TAB2: variants seen among roughly 807,000 people sequenced by gnomAD.
The protein encoded by TAB2 is TGF-beta-activated kinase 1 and MAP3K7-binding protein 2.
TAB2 carries 3 observed loss-of-function variants against 65.0 expected under a neutral mutation model. That is an observed-to-expected ratio of 0.05 (90% CI 0.02 to 0.12). The LOEUF (loss-of-function observed/expected upper bound fraction) is 0.12, where lower values mean the gene tolerates loss of function less well. Among genes scored for constraint, TAB2 ranks in the 10% least tolerant of loss-of-function variants. The pLI, the probability that TAB2 is intolerant of heterozygous loss-of-function variation, is 1.00. For synonymous variants in TAB2, 298 were observed against 285.1 expected, an observed-to-expected ratio of 1.05 and a Z score of -0.46; for missense variants, 623 against 840.3, an observed-to-expected ratio of 0.74 and a Z score of 3.20.
Position 149,400,542 on chromosome 6 carries a change from C to T in TAB2, c.1939+1358C>T, listed in dbSNP as rs569573383. On this transcript the variant is annotated intron_variant, in intron 6 of 6. Coordinates refer to ENST00000637181, the MANE Select transcript of TAB2 (RefSeq NM_001292034.3). ...ACTAATGAAAGCCTATTGTGAACCA[C>T]GGGGATTGTCAGTGAAGCAGATCAG... is the stretch of plus-strand genomic sequence containing the variant. 1.7e-5 allele frequency: 27 copies of T among 1,614,170 alleles called. No homozygotes were observed. The South Asian group carries it at 2.0e-4, about 12-fold the overall frequency.
chr6:149,341,378 C>A (rs967243602), intron 1 of TAB2, among the ~76,000 whole-genome samples: 1 of 152,084 alleles, frequency 6.6e-6, no homozygotes, highest in East Asian at 1.9e-4. Flanking sequence ...CTAGTTGTTG[C>A]TTTAGCATTT....
chr6:149,386,227 T>TAAA (rs1271243764), intron 3 of TAB2, among the ~76,000 whole-genome samples: 1 of 152,258 alleles, frequency 6.6e-6, no homozygotes, highest in Non-Finnish European at 1.5e-5. Flanking sequence ...CTTTCTTAAA[T>TAAA]ATATTAAGTT....
At position 149,330,946 on chromosome 6, in the gene TAB2, A is replaced by G. The variant is rs575956832; in HGVS notation, c.-90+12931A>G. 4.6e-5 allele frequency among the ~76,000 whole-genome samples: 7 copies of G among 152,216 alleles called. No individual in the cohort carries two copies. The South Asian group carries it at 1.5e-3, about 32-fold the overall frequency. On this transcript the variant is annotated intron_variant, in intron 1 of 6. Transcript: ENST00000637181. ...CAGATAGCCGTAATTGTGAGGATCT[A>G]TTTCTGGATTCTCTGTTCTGTTCCA...
intron 1 of TAB2, chr6:149,304,410 T>G (rs1779022438): frequency 6.5e-6 from 1 of 153,342 alleles, no homozygotes; most frequent in Non-Finnish European, 1.5e-5. Flanking sequence ...GCCAGTTTCC[T>G]GCTGGCTCTC....
At chr6:149,249,624 G>A (rs1335945041) in intron 1 of TAB2, among the ~76,000 whole-genome samples, 4 of 151,474 alleles carry the variant, frequency 2.6e-5, no homozygotes, top group African/African-American at 9.7e-5. Context: ...GTCTCTGTCT[G>A]TGTGTGTCTC....
In TAB2 at chr6:149,317,832, G is replaced by GGGGGGGGCT. The variant is rs1779300738; in HGVS notation, c.-272_-271insGGGGGGCTG. On this transcript the variant is annotated 5_prime_UTR_variant, in exon 1 of 7. Coordinates refer to ENST00000637181, the MANE Select transcript of TAB2 (RefSeq NM_001292034.3). This position sits in a 1 kb window ranked among gnomAD's most constrained non-coding sequence, Gnocchi z 4.7. Reference sequence around the variant, plus strand: ...AGGGAGTTGGCGGCGGCGGGCGAGCGGAGGGGGCTGAGCGGGGAGGGAGGG... The same window carrying GGGGGGGGCT: ...AGGGAGTTGGCGGCGGCGGGCGAGCGGGGGGGGCTGAGGGGGCTGAGCGGGGAGGGAGGG... 6.2e-6 allele frequency: 1 copy of GGGGGGGGCT among 161,144 alleles called. No homozygotes were observed. Among genetic ancestry groups the GGGGGGGGCT allele is most frequent in the African/African-American group, 2.5e-5 (1 of 39,778 alleles). The allele number at this position is 161,144 out of a possible 1,614,324, so 10.0% of individuals were successfully genotyped here. A position where few individuals can be genotyped will look rare whatever the true frequency, so the allele number is the denominator to read the frequency against.
In TAB2 at chr6:149,224,336, G is replaced by C. The variant is rs535082370; in HGVS notation, c.-121+5560G>C. Among the ~76,000 whole-genome samples the C allele has an allele frequency of 3.6e-4, 55 of 152,296 alleles. 2 individuals carry two copies. Among genetic ancestry groups the C allele is most frequent in the Admixed American group, 2.7e-3 (42 of 15,286 alleles). On this transcript the variant is annotated intron_variant, in intron 1 of 1. Coordinates refer to the TAB2 transcript ENST00000606202. Reference sequence around the variant, plus strand: ...ATAGCCAAAGCCTCCCTTTTTAGAAGAGGAGGAACTTTTTAGCAAAAATTC... The same window carrying C: ...ATAGCCAAAGCCTCCCTTTTTAGAACAGGAGGAACTTTTTAGCAAAAATTC...
chr6:149,400,562 G>T, intron 6 of TAB2: 1 of 1,614,248 alleles, frequency 6.2e-7, no homozygotes, highest in Non-Finnish European at 8.5e-7. Context: ...CAGTGAAGCA[G>T]ATCAGATTCC....
intron 6 of TAB2, among the ~76,000 whole-genome samples, chr6:149,399,480 G>A (rs764520159): frequency 6.6e-6 from 1 of 151,666 alleles, no homozygotes; most frequent in Non-Finnish European, 1.5e-5. Context: ...ACAAAAATTT[G>A]TATCATTTAA....
chr6:149,312,862 A>C (rs1779189051), upstream of TAB2, among the ~76,000 whole-genome samples: 1 of 152,210 alleles, frequency 6.6e-6, no homozygotes, highest in Non-Finnish European at 1.5e-5. Flanking sequence ...TTTTATGGTG[A>C]GAACACTTAA....
chr6:149,382,556 A>G (rs918938776), intron 3 of TAB2, among the ~76,000 whole-genome samples: 4 of 151,930 alleles, frequency 2.6e-5, no homozygotes, highest in Admixed American at 2.6e-4. Context: ...AGATCATGCC[A>G]TTGCACTCCA....
chr6:149,383,759 T>A (rs1476409481), intron 3 of TAB2, among the ~76,000 whole-genome samples: 1 of 152,232 alleles, frequency 6.6e-6, no homozygotes, highest in Non-Finnish European at 1.5e-5. Flanking sequence ...GTTTTTGTAT[T>A]TTTAAGAGAG....
At chr6:149,367,009 A>T (rs1237540026) in intron 1 of TAB2, among the ~76,000 whole-genome samples, 1 of 152,052 alleles carries the variant, frequency 6.6e-6, no homozygotes, top group Non-Finnish European at 1.5e-5. Flanking sequence ...GCCTTATAGA[A>T]GGAAACTATA....
Position 149,317,974 on chromosome 6 carries a change from CGG to C in TAB2, c.-130_-129del. 1.7e-5 allele frequency: 3 copies of C among 171,820 alleles called. No individual in the cohort carries two copies. Among genetic ancestry groups the C allele is most frequent in the Non-Finnish European group, 3.7e-5 (3 of 80,942 alleles). The allele number at this position is 171,820 out of a possible 1,614,324, so 10.6% of individuals were successfully genotyped here. On this transcript the variant is annotated 5_prime_UTR_variant, in exon 1 of 7. Transcript: ENST00000637181. The surrounding 1 kb of genome is among the most constrained non-coding windows in gnomAD (Gnocchi z 4.7). ...GCCCTAGTGGGAGAGGCGGCGGCGGCGGCGGCCGAGGAGGAGGAGGGGGAAGC... is the reference window on the plus strand; with the variant it reads ...GCCCTAGTGGGAGAGGCGGCGGCGGCCGGCCGAGGAGGAGGAGGGGGAAGC...
At position 149,295,377 on chromosome 6, in the gene TAB2, G is replaced by A. The variant is rs7752334; in HGVS notation, c.-121+76601G>A. Among the ~76,000 whole-genome samples, 908 of 152,102 alleles carry A rather than the reference G, an allele frequency of 6.0e-3. 13 individuals carry two copies. The highest frequency in any genetic ancestry group is 0.021 in the African/African-American group (873 of 41,448). On this transcript the variant is annotated intron_variant, in intron 1 of 1. Transcript: ENST00000606202. ...TTGTTTTGTTTTGTTTAATTTACCC[G>A]GTTTGAGATTTACTGGTCATCTGTA... is the stretch of plus-strand genomic sequence containing the variant.
chr6:149,403,226 C>G (rs557294814), intron 6 of TAB2, among the ~76,000 whole-genome samples: 13 of 117,062 alleles, frequency 1.1e-4, no homozygotes, highest in Non-Finnish European at 1.8e-4. Flanking sequence ...GGGAGCGAAA[C>G]TCTTGTCTAA....
chr6:149,264,525 GT>G (rs1778221572), intron 1 of TAB2, among the ~76,000 whole-genome samples: 1 of 152,118 alleles, frequency 6.6e-6, no homozygotes, highest in Admixed American at 6.5e-5. Flanking sequence ...GTTGCTTCAT[GT>G]ATAAGACTGT....
At chr6:149,376,519 C>T (rs1781401818) in intron 2 of TAB2, among the ~76,000 whole-genome samples, 1 of 152,204 alleles carries the variant, frequency 6.6e-6, no homozygotes. Flanking sequence ...CTTCTTTACT[C>T]GTGCCATTCT....
intron 1 of TAB2, among the ~76,000 whole-genome samples, chr6:149,311,281 C>G (rs575139820): frequency 6.6e-6 from 1 of 152,290 alleles, no homozygotes; most frequent in Non-Finnish European, 1.5e-5. Flanking sequence ...ATCACAGACA[C>G]CTGAAATGCC....
Sources: gnomAD v4.1 joint callset for allele counts (sites outside exome capture counted in the v4.1 genomes callset) on GRCh38, gnomAD v4.1.1 for gene constraint, Gnocchi (gnomAD v3.1) non-coding constraint, MANE v1.5 for transcripts, NCBI Gene and HGNC (gene_info 2026-07-23, HGNC 2026-07-21) for gene names.